ANO3: variants seen among roughly 807,000 people sequenced by gnomAD.
ANO3 encodes the protein anoctamin 3.
A neutral mutation model predicts 144.8 loss-of-function variants in ANO3; 99 were observed. The ratio of observed to expected loss-of-function variants is 0.68; its 90% CI spans 0.58 to 0.81. The LOEUF is 0.81. ANO3 is among the 30% of genes least tolerant of loss of function. The pLI, the probability that ANO3 is intolerant of heterozygous loss-of-function variation, is 0.00. For missense variants in ANO3, 905 were observed against 1,202.2 expected, an observed-to-expected ratio of 0.75 and a Z score of 3.66; for synonymous variants, 414 against 392.6, an observed-to-expected ratio of 1.05 and a Z score of -0.64.
intron 20 of ANO3, among the ~76,000 whole-genome samples, chr11:26,638,035 G>T (rs1853020583): frequency 6.6e-6 from 1 of 152,092 alleles, no homozygotes; most frequent in Non-Finnish European, 1.5e-5. Flanking sequence ...ATCTAAAAAA[G>T]CAGAAAAGCA....
At chr11:26,264,832 A>G (rs1853271572) in intron 1 of ANO3, among the ~76,000 whole-genome samples, 1 of 152,084 alleles carries the variant, frequency 6.6e-6, no homozygotes, top group Non-Finnish European at 1.5e-5. Context: ...GACCCACCCT[A>G]ATGACTTTAT....
intron 1 of ANO3, among the ~76,000 whole-genome samples, chr11:26,302,191 G>A (rs1222804919): frequency 6.6e-6 from 1 of 152,062 alleles, no homozygotes; most frequent in African/African-American, 2.4e-5. Flanking sequence ...GTTAGTGTAT[G>A]AGAGTTTATT....
At chr11:26,527,494 T>C (rs997989940) in intron 7 of ANO3, among the ~76,000 whole-genome samples, 1 of 152,054 alleles carries the variant, frequency 6.6e-6, no homozygotes, top group Non-Finnish European at 1.5e-5. Context: ...TCTATAAAAT[T>C]ATATAACATT....
At chr11:26,452,077 A>G (rs895763065) in intron 3 of ANO3, among the ~76,000 whole-genome samples, 2 of 152,210 alleles carry the variant, frequency 1.3e-5, no homozygotes, top group African/African-American at 4.8e-5. Context: ...CCAAAAGCCC[A>G]TCTGTACATC....
intron 12 of ANO3, 102 bp from the exon 13 acceptor site, chr11:26,553,147 G>A (rs1849981171): frequency 1.2e-6 from 1 of 827,494 alleles, no homozygotes; most frequent in Non-Finnish European, 2.0e-6. Context: ...TTTCCTCTCT[G>A]CCTTGCTGGT....
At chr11:26,203,867 C>G (rs1303868903) in intron 1 of ANO3, among the ~76,000 whole-genome samples, 1 of 152,070 alleles carries the variant, frequency 6.6e-6, no homozygotes, top group Non-Finnish European at 1.5e-5. Context: ...GGACTGGAAA[C>G]AGCAGAACAA....
intron 1 of ANO3, among the ~76,000 whole-genome samples, chr11:26,220,854 C>T (rs1852128242): frequency 6.6e-6 from 1 of 152,132 alleles, no homozygotes; most frequent in Admixed American, 6.5e-5. Context: ...TTGGGCAGGA[C>T]CCTGATATCC....
intron 6 of ANO3, among the ~76,000 whole-genome samples, chr11:26,520,753 C>A (rs1009629084): frequency 2.2e-4 from 33 of 152,052 alleles, no homozygotes; most frequent in African/African-American, 7.0e-4. Flanking sequence ...ATTTCTGGAA[C>A]CTGCTCCCAG....
At chr11:26,312,116 T>C (rs1854514469) in intron 1 of ANO3, among the ~76,000 whole-genome samples, 1 of 152,230 alleles carries the variant, frequency 6.6e-6, no homozygotes, top group African/African-American at 2.4e-5. Context: ...GTCCTTGCGA[T>C]AGTTTGCTCA....
chr11:26,615,628 A>T (rs1852236874), intron 17 of ANO3, among the ~76,000 whole-genome samples: 1 of 152,124 alleles, frequency 6.6e-6, no homozygotes, highest in Admixed American at 6.5e-5. Flanking sequence ...TGCATAGAAG[A>T]TGGTAATAAA....
intron 1 of ANO3, among the ~76,000 whole-genome samples, chr11:26,231,093 G>A (rs1852387737): frequency 6.6e-6 from 1 of 151,778 alleles, no homozygotes; most frequent in Admixed American, 6.6e-5. Flanking sequence ...TGGTCAGGCT[G>A]GTCTCAAACT....
chr11:26,275,438 G>A lies in ANO3; in HGVS notation c.155-34207G>A, dbSNP rs1263775183. On this transcript the variant is annotated intron_variant, in intron 1 of 27. Transcript: ENST00000672621. ...AGGATTTTTATTCACTTTCTGTTTG[G>A]TAGCCATGAGGTGCCTGACCTTCTT... 2.6e-5 allele frequency among the ~76,000 whole-genome samples: 4 copies of A among 151,982 alleles called. No homozygotes were observed. In the East Asian group the frequency reaches 7.7e-4, roughly 29 times the overall value.
At chr11:26,312,180 T>A (rs1206269786) in intron 1 of ANO3, among the ~76,000 whole-genome samples, 2 of 152,238 alleles carry the variant, frequency 1.3e-5, no homozygotes, top group Non-Finnish European at 1.5e-5. Context: ...GAACTCATCC[T>A]TTTTTATGGC....
chr11:26,422,394 A>T (rs1857778349), intron 1 of ANO3, among the ~76,000 whole-genome samples: 1 of 152,074 alleles, frequency 6.6e-6, no homozygotes, highest in East Asian at 1.9e-4. Context: ...GTTGTGAATT[A>T]TATGAATGCC....
At position 26,605,883 on chromosome 11, in the gene ANO3, C is replaced by A. The variant is rs371775091; in HGVS notation, c.1836+6169C>A. On this transcript the variant is annotated intron_variant, in intron 17 of 26. Transcript: ENST00000256737. The stretch of plus-strand genomic sequence containing the variant: ...ATTTTGTTAATCTTTTAAAAAAAAA[C>A]CAACTCCTGGATTCATTCATTTTTT... 6.2e-4 allele frequency among the ~76,000 whole-genome samples: 93 copies of A among 149,122 alleles called. No homozygotes were observed. In the South Asian group the frequency reaches 8.5e-3, roughly 14 times the overall value.
chr11:26,644,848 C>T (rs1853290278), intron 23 of ANO3, among the ~76,000 whole-genome samples: 1 of 148,582 alleles, frequency 6.7e-6, no homozygotes, highest in Non-Finnish European at 1.5e-5. Context: ...CACACACACA[C>T]ATACCATATA....
intron 13 of ANO3, among the ~76,000 whole-genome samples, chr11:26,558,079 A>G (rs1850141930): frequency 6.6e-6 from 1 of 152,180 alleles, no homozygotes; most frequent in Admixed American, 6.6e-5. Context: ...AGATGTTCCT[A>G]AACTATTAAT....
At chr11:26,312,665 A>G (rs574215507) in intron 1 of ANO3, among the ~76,000 whole-genome samples, 5 of 152,332 alleles carry the variant, frequency 3.3e-5, no homozygotes, top group African/African-American at 9.6e-5. Context: ...GTCTGTTCAT[A>G]TCATTCACCC....
intron 4 of ANO3, among the ~76,000 whole-genome samples, chr11:26,471,546 C>T (rs1047235323): frequency 6.6e-6 from 1 of 151,864 alleles, no homozygotes; most frequent in African/African-American, 2.4e-5. Flanking sequence ...ACTCCCCTTA[C>T]CAATCAAAAT....
Sources: gnomAD v4.1 joint callset for allele counts (sites outside exome capture counted in the v4.1 genomes callset) on GRCh38, gnomAD v4.1.1 for gene constraint, MANE v1.5 for transcripts, NCBI Gene and HGNC (gene_info 2026-07-23, HGNC 2026-07-21) for gene names.